Variants in CSNK1G2 observed in about 807,000 individuals in gnomAD.
CSNK1G2 encodes casein kinase I isoform gamma-2.
A neutral mutation model predicts 48.0 loss-of-function variants in CSNK1G2; 11 were observed. The ratio of observed to expected loss-of-function variants is 0.23; its 90% CI spans 0.14 to 0.38. The LOEUF (loss-of-function observed/expected upper bound fraction) is 0.38. CSNK1G2 is among the 10% of genes least tolerant of loss of function. The pLI, the probability that CSNK1G2 is intolerant of heterozygous loss-of-function variation, is 1.00. For synonymous variants in CSNK1G2, 337 were observed against 254.1 expected (o/e 1.33, Z -3.10); for missense variants, 446 against 595.5 (o/e 0.75, Z 2.61).
At chr19:1,962,962 C>A (rs2145553100) in intron 1 of CSNK1G2, among the ~76,000 whole-genome samples, 1 of 152,156 alleles carries the variant, frequency 6.6e-6, no homozygotes, top group East Asian at 1.9e-4. Flanking sequence ...TAGTGTGGCC[C>A]TCCATGCACT....
chr19:1,976,683 C>T (rs2015767032), intron 2 of CSNK1G2, among the ~76,000 whole-genome samples: 1 of 152,100 alleles, frequency 6.6e-6, no homozygotes, highest in Admixed American at 6.5e-5. Flanking sequence ...TCTCCACGGC[C>T]ACCCTGCCAG....
At chr19:1,943,479 C>T (rs918623064) in intron 1 of CSNK1G2, among the ~76,000 whole-genome samples, 5 of 152,190 alleles carry the variant, frequency 3.3e-5, no homozygotes, top group Non-Finnish European at 5.9e-5. Context: ...ACAGTAATTA[C>T]TCTGGGCTAC....
intron 1 of CSNK1G2, among the ~76,000 whole-genome samples, chr19:1,946,141 A>G (rs978663741): frequency 1.3e-5 from 2 of 151,738 alleles, no homozygotes; most frequent in Middle Eastern, 6.8e-3. Context: ...CTGCAGGGGG[A>G]GCTAGCTGCC....
At chr19:1,956,539 C>T (rs2015006484) in intron 1 of CSNK1G2, among the ~76,000 whole-genome samples, 1 of 152,192 alleles carries the variant, frequency 6.6e-6, no homozygotes, top group African/African-American at 2.4e-5. Context: ...ACCACGCATC[C>T]TAGCCGGCAA....
chr19:1,967,588 G>C (rs564266171), intron 1 of CSNK1G2, among the ~76,000 whole-genome samples: 6 of 152,098 alleles, frequency 3.9e-5, no homozygotes, highest in Non-Finnish European at 8.8e-5. Flanking sequence ...TGAGGGCGAC[G>C]AGGTGACAGC....
Position 1,950,047 on chromosome 19 carries a change from C to T in CSNK1G2, c.-266+8629C>T, listed in dbSNP as rs533008790. Among the ~76,000 whole-genome samples the T allele has an allele frequency of 3.5e-3, 532 of 152,362 alleles. 2 individuals are homozygous for T. The highest frequency in any genetic ancestry group is 0.012 in the African/African-American group (495 of 41,586). The stretch of plus-strand genomic sequence containing the variant: ...CAGTGTCCACAGAGTGACCGGTAGG[C>T]CCCAGCCCCACAGGATCATCGAGGT... On this transcript the variant is annotated intron_variant, in intron 1 of 11. Coordinates refer to ENST00000255641, the MANE Select transcript of CSNK1G2 (RefSeq NM_001319.7).
At chr19:1,949,221 A>G (rs1481918383) in intron 1 of CSNK1G2, among the ~76,000 whole-genome samples, 1 of 152,188 alleles carries the variant, frequency 6.6e-6, no homozygotes, top group Non-Finnish European at 1.5e-5. Context: ...CCCTGGCCCC[A>G]TCAGCAGCCA....
intron 2 of CSNK1G2, among the ~76,000 whole-genome samples, chr19:1,970,629 G>A (rs570089151): frequency 6.6e-6 from 1 of 152,306 alleles, no homozygotes; most frequent in Admixed American, 6.5e-5. Context: ...AGCACCTTTG[G>A]GGCCGTTCCC....
At chr19:1,975,222 G>A (rs1472353119) in intron 2 of CSNK1G2, 16 of 985,386 alleles carry the variant, frequency 1.6e-5, no homozygotes, top group Non-Finnish European at 1.7e-5. Context: ...TGGGGAGGAC[G>A]TTGGCGAGCA....
chr19:1,980,098 T>G, intron 11 of CSNK1G2, 51 bp from the exon 12 acceptor site: 1 of 1,607,648 alleles, frequency 6.2e-7, no homozygotes, highest in Non-Finnish European at 8.5e-7. Context: ...AGGCCTGGGC[T>G]GCCCCCGCCC....
intron 1 of CSNK1G2, among the ~76,000 whole-genome samples, chr19:1,961,271 T>C (rs1363996713): frequency 2.6e-5 from 4 of 152,198 alleles, no homozygotes; most frequent in South Asian, 2.1e-4. Context: ...GCGGTCCCCA[T>C]GGCCAGAACC....
intron 1 of CSNK1G2, among the ~76,000 whole-genome samples, chr19:1,966,281 G>C (rs1255229089): frequency 6.6e-6 from 1 of 152,224 alleles, no homozygotes; most frequent in Non-Finnish European, 1.5e-5. Flanking sequence ...GTCAGGATGA[G>C]CGGAAGTTTG....
In CSNK1G2 at chr19:1,979,848, C is replaced by CG. The variant is rs1352437598; in HGVS notation, c.1086+16dup. Reference sequence around the variant, plus strand: ...CAGCAAAAACCAGGTGAGGCCCGGGCGGGACCGACCGCCCCAGGGAGGGGC... The same window carrying CG: ...CAGCAAAAACCAGGTGAGGCCCGGGCGGGGACCGACCGCCCCAGGGAGGGGC... On this transcript the variant is annotated intron_variant, in intron 10 of 11. Transcript: ENST00000255641. The CG allele has an allele frequency of 6.2e-7, 1 of 1,601,410 alleles. No homozygotes were observed.
chr19:1,980,287 C>T lies in CSNK1G2; in HGVS notation c.*84C>T, dbSNP rs770005414. On this transcript the variant is annotated 3_prime_UTR_variant, in exon 12 of 12. Coordinates refer to ENST00000255641, the MANE Select transcript of CSNK1G2 (RefSeq NM_001319.7). ...GTGCGAGGCCCTCGGGGCCCACCCACAGCGGCCCAGGGCCAGACCCTGGCT... is the reference window on the plus strand; with the variant it reads ...GTGCGAGGCCCTCGGGGCCCACCCATAGCGGCCCAGGGCCAGACCCTGGCT... 43 of 1,531,976 alleles carry T rather than the reference C, an allele frequency of 2.8e-5. No individual in the cohort carries two copies. Among genetic ancestry groups the T allele is most frequent in the African/African-American group, 5.5e-5 (4 of 72,930 alleles). 94.9% of individuals were successfully genotyped at this position (1,531,976 alleles called of 1,614,324 possible).
At chr19:1,975,650 A>C (rs1025229030) in intron 2 of CSNK1G2, 1 of 985,234 alleles carries the variant, frequency 1.0e-6, no homozygotes, top group Admixed American at 6.2e-5. Flanking sequence ...CAGGAAGGAC[A>C]CGCAAATGCT....
chr19:1,967,386 G>A (rs1250369640), intron 1 of CSNK1G2, among the ~76,000 whole-genome samples: 1 of 152,166 alleles, frequency 6.6e-6, no homozygotes, highest in Non-Finnish European at 1.5e-5. Context: ...CTGCACATCT[G>A]GGGCACAGCA....
Position 1,978,447 on chromosome 19 carries a change from G to A in CSNK1G2, c.234G>A (p.Pro78=), listed in dbSNP as rs772674429. 2.4e-5 allele frequency: 39 copies of A among 1,609,516 alleles called. No homozygotes were observed. In the African/African-American group the frequency reaches 4.7e-4, roughly 19 times the overall value. Reference sequence around the variant, plus strand: ...ACTCGCTCTTGTGCCCCCAGGAGCCGATCAAGTCCCGGGCCCCGCAGCTGC... The same window carrying A: ...ACTCGCTCTTGTGCCCCCAGGAGCCAATCAAGTCCCGGGCCCCGCAGCTGC... ...TNEYVAIKLE[P]IKSRAPQLHL... is the part of the protein sequence containing the mutation. The change falls in exon 4 of 12, where the codon CCG becomes CCA. Residue 78 remains proline, a synonymous_variant. Transcript: ENST00000255641. The surrounding 1 kb of genome is among the most constrained non-coding windows in gnomAD (Gnocchi z 7.3).
At chr19:1,956,449 G>A (rs1471764178) in intron 1 of CSNK1G2, among the ~76,000 whole-genome samples, 1 of 152,164 alleles carries the variant, frequency 6.6e-6, no homozygotes, top group Non-Finnish European at 1.5e-5. Context: ...CTCGGGAGGC[G>A]GAGGTTGTAA....
At chr19:1,975,316 TC>T (rs2015716128) in intron 2 of CSNK1G2, 2 of 985,458 alleles carry the variant, frequency 2.0e-6, no homozygotes, top group East Asian at 1.1e-4. Flanking sequence ...CGAGGGCTTG[TC>T]CTCCTCAGCC....
Sources: gnomAD v4.1 joint callset for allele counts (sites outside exome capture counted in the v4.1 genomes callset) on GRCh38, gnomAD v4.1.1 for gene constraint, Gnocchi (gnomAD v3.1) non-coding constraint, MANE v1.5 for transcripts, NCBI Gene and HGNC (gene_info 2026-07-23, HGNC 2026-07-21) for gene names.